The following CENPC variants were observed in gnomAD, a reference collection of about 807,000 sequenced individuals.
CENPC encodes CENP-C 1.
In CENPC, 63 loss-of-function variants were observed where a neutral mutation model predicts 112.1. The ratio of observed to expected loss-of-function variants is 0.56; its 90% CI spans 0.46 to 0.69. The LOEUF (loss-of-function observed/expected upper bound fraction) is 0.69. Ranked by LOEUF, CENPC falls within the 30% of genes least tolerant of loss-of-function variation. The pLI, the probability that CENPC is intolerant of heterozygous loss-of-function variation, is 0.00. For missense variants in CENPC, 1,000 were observed against 1,103.8 expected (o/e 0.91, Z 1.33); for synonymous variants, 333 against 367.6 (o/e 0.91, Z 1.08).
At position 67,513,832 on chromosome 4, in the gene CENPC, T is replaced by C. The variant is rs190158354; in HGVS notation, c.1444+242A>G. ...CATCTTCCGATACTAACTTGTTTACTAGCCTTTTCTTTTCACTTTGCCCTC... is the reference window on the plus strand; with the variant it reads ...CATCTTCCGATACTAACTTGTTTACCAGCCTTTTCTTTTCACTTTGCCCTC... On this transcript the variant is annotated intron_variant, in intron 8 of 18. Transcript: ENST00000273853. Among the ~76,000 whole-genome samples the C allele has an allele frequency of 5.3e-4, 81 of 152,264 alleles. 1 individual carries two copies. Among genetic ancestry groups the C allele is most frequent in the African/African-American group, 1.9e-3 (79 of 41,576 alleles).
At chr4:67,527,436 T>A (rs1381742566) in intron 5 of CENPC, among the ~76,000 whole-genome samples, 2 of 150,806 alleles carry the variant, frequency 1.3e-5, no homozygotes, top group Non-Finnish European at 2.9e-5. Flanking sequence ...AACATCTTAA[T>A]GTGAAAGATC....
At chr4:67,491,972 G>A (rs1725295458) in intron 16 of CENPC, among the ~76,000 whole-genome samples, 1 of 152,130 alleles carries the variant, frequency 6.6e-6, no homozygotes, top group Admixed American at 6.5e-5. Context: ...CAAGTCCGGG[G>A]TGTTAAGTGT....
chr4:67,542,449 T>C (rs1015187770), intron 2 of CENPC, among the ~76,000 whole-genome samples: 18 of 152,190 alleles, frequency 1.2e-4, no homozygotes, highest in Non-Finnish European at 2.1e-4. Flanking sequence ...AGGTCATCCA[T>C]CATAAAGTTT....
rs1726861477 is a variant in CENPC at position 67,540,656 on chromosome 4, C to CA, written c.136+323dup. ...CTGTACTACAGCTTGGGTGACACCG[C>CA]AGGACTATGTCTCAATAAATAAATA... is the stretch of plus-strand genomic sequence containing the variant. On this transcript the variant is annotated intron_variant, in intron 3 of 18. Transcript: ENST00000273853. Among the ~76,000 whole-genome samples the CA allele has an allele frequency of 2.0e-5, 3 of 152,040 alleles. No homozygotes were observed. The South Asian group carries it at 6.2e-4, about 32-fold the overall frequency.
chr4:67,489,897 T>C, intron 17 of CENPC, 70 bp downstream of exon 17: 2 of 1,248,552 alleles, frequency 1.6e-6, no homozygotes, highest in Admixed American at 3.0e-5. Flanking sequence ...AGCATTTTAA[T>C]GTCTCATCAA....
chr4:67,503,200 C>T (rs535348486), intron 12 of CENPC, among the ~76,000 whole-genome samples: 3 of 152,194 alleles, frequency 2.0e-5, no homozygotes, highest in Non-Finnish European at 2.9e-5. Context: ...ACTACTCGTT[C>T]GCTCTCTTCC....
chr4:67,523,562 G>C (rs1726290933), intron 5 of CENPC, among the ~76,000 whole-genome samples: 3 of 152,184 alleles, frequency 2.0e-5, no homozygotes, highest in Admixed American at 2.0e-4. Flanking sequence ...CGTGGTAATG[G>C]ATTAGAGTCA....
At chr4:67,498,653 C>A (rs1329760814) in intron 12 of CENPC, among the ~76,000 whole-genome samples, 1 of 152,180 alleles carries the variant, frequency 6.6e-6, no homozygotes, top group East Asian at 1.9e-4. Flanking sequence ...CATGAAATTG[C>A]AGCAATTCAG....
intron 12 of CENPC, among the ~76,000 whole-genome samples, chr4:67,502,157 C>A: frequency 6.6e-6 from 1 of 151,896 alleles, no homozygotes. Flanking sequence ...ATTATGTTCT[C>A]TATTTAGCTG....
In CENPC at chr4:67,492,879, G is replaced by T; in HGVS notation, c.2409C>A (p.Asn803Lys). ...GAAATAAGTTCATACTTCTTTCATC[G>T]TTATCAAGACAGATCCTTTTCTTAT... ...KSNKKRICLD[N>K]DERKTNLMVN... Residue 803 changes from asparagine (N) to lysine (K), a missense_variant, in exon 15 of 19, where the codon AAC (asparagine) becomes AAA (lysine). Physicochemically the swap from Asn to Lys is moderately conservative, Grantham distance 94. Coordinates refer to ENST00000273853, the MANE Select transcript of CENPC (RefSeq NM_001812.4). The T allele has an allele frequency of 6.4e-7, 1 of 1,554,482 alleles. No homozygotes were observed. The highest frequency in any genetic ancestry group is 8.7e-7 in the Non-Finnish European group (1 of 1,146,836).
chr4:67,492,011 C>T (rs992489338), intron 16 of CENPC, among the ~76,000 whole-genome samples, 169 bp downstream of exon 16: 3 of 152,112 alleles, frequency 2.0e-5, no homozygotes, highest in Non-Finnish European at 4.4e-5. Flanking sequence ...ATCAATATTC[C>T]CCCACAGTTG....
intron 14 of CENPC, 75 bp from the exon 15 acceptor site, chr4:67,493,072 T>C: frequency 1.7e-6 from 2 of 1,207,520 alleles, no homozygotes; most frequent in Non-Finnish European, 2.3e-6. Flanking sequence ...AAATTTAATA[T>C]GGCACATTTC....
At chr4:67,520,042 T>C (rs1726176862) in intron 5 of CENPC, among the ~76,000 whole-genome samples, 1 of 152,144 alleles carries the variant, frequency 6.6e-6, no homozygotes, top group Admixed American at 6.5e-5. Flanking sequence ...GTTTTCTGTC[T>C]GTCTCCCATA....
intron 17 of CENPC, among the ~76,000 whole-genome samples, chr4:67,482,991 C>G (rs545605981): frequency 7.2e-5 from 11 of 152,156 alleles, no homozygotes; most frequent in Non-Finnish European, 1.6e-4. Context: ...ATGCTGTTCT[C>G]ATGAGAGTGA....
chr4:67,523,962 A>T (rs1430990061), intron 5 of CENPC, among the ~76,000 whole-genome samples: 2 of 152,102 alleles, frequency 1.3e-5, no homozygotes, highest in African/African-American at 4.8e-5. Flanking sequence ...CTGAATAACA[A>T]AATAAACAGT....
chr4:67,477,922 TAAC>T (rs1724848521), intron 17 of CENPC, among the ~76,000 whole-genome samples: 1 of 151,892 alleles, frequency 6.6e-6, no homozygotes, highest in Admixed American at 6.6e-5. Flanking sequence ...TAGAAAGTTT[TAAC>T]AATAGAATCG....
Position 67,518,139 on chromosome 4 carries a change from G to T in CENPC, c.830+17C>A. ...TAAAAGAAAAATGTCTCAAAGGGCA[G>T]TTTCTTAATAACTCACCTGGATTCA... On this transcript the variant is annotated intron_variant, in intron 7 of 18. Transcript: ENST00000273853. The T allele has an allele frequency of 1.4e-6, 2 of 1,410,330 alleles. No individual in the cohort carries two copies. Among genetic ancestry groups the T allele is most frequent in the Non-Finnish European group, 1.9e-6 (2 of 1,039,338 alleles). The allele number at this position is 1,410,330 out of a possible 1,614,324, so 87.4% of individuals were successfully genotyped here. A position where few individuals can be genotyped will look rare whatever the true frequency, so the allele number is the denominator to read the frequency against.
In CENPC at chr4:67,519,411, T is replaced by C; in HGVS notation, c.423A>G (p.Ile141Met). 2 of 1,612,680 alleles carry C rather than the reference T, an allele frequency of 1.2e-6. No individual in the cohort carries two copies. The highest frequency in any genetic ancestry group is 1.7e-6 in the Non-Finnish European group (2 of 1,179,130). The stretch of plus-strand genomic sequence containing the variant: ...CATCAGCTTCACTGTGATGATCATT[T>C]ATGTTTCTACTTGATATTTTTTTCG... ...PDSKKISSRN[I>M]NDHHSEADEE... is the part of the protein sequence containing the mutation. Residue 141 changes from isoleucine (I) to methionine (M), a missense_variant, in exon 6 of 19, where the codon ATA becomes ATG. Transcript: ENST00000273853.
In CENPC at chr4:67,508,985, A is replaced by C. The variant is rs886496289; in HGVS notation, c.1733T>G (p.Leu578Arg). 6.2e-7 allele frequency: 1 copy of C among 1,613,534 alleles called. No individual in the cohort carries two copies. Among genetic ancestry groups the C allele is most frequent in the Non-Finnish European group, 8.5e-7 (1 of 1,179,708 alleles). The change falls in exon 10 of 19, where the codon CTT becomes CGT. Residue 578 changes from leucine to arginine, a missense_variant. Physicochemically the swap from Leu to Arg is moderately radical, Grantham distance 102. Transcript: ENST00000273853. Reference protein sequence around the residue: ...SKNIRKKTIPLKRQKTATKGN... With the variant: ...SKNIRKKTIPRKRQKTATKGN... ...TTTAGTTGCTGTCTTCTGCCTTTTA[A>C]GTGGAATAGTTTTTTTCCTAATATT...
Sources: allele counts gnomAD v4.1 joint callset (sites outside exome capture counted in the v4.1 genomes callset), GRCh38; gene constraint gnomAD v4.1.1; transcripts MANE v1.5; gene names NCBI Gene and HGNC (gene_info 2026-07-23, HGNC 2026-07-21).